The following DLG2 variants were observed in gnomAD, a reference collection of about 807,000 sequenced individuals.
The protein encoded by DLG2 is disks large homolog 2.
In DLG2, 45 loss-of-function variants were observed where a neutral mutation model predicts 132.5. The ratio of observed to expected loss-of-function variants is 0.34; its 90% CI spans 0.27 to 0.44. DLG2 has a LOEUF of 0.44. Among genes scored for constraint, DLG2 ranks in the 20% least tolerant of loss-of-function variants. The probability of loss-of-function intolerance (pLI) is 1.00; values close to 1 mark genes in which losing one functional copy is unlikely to be tolerated. For missense variants in DLG2, 1,045 were observed against 1,196.9 expected, an observed-to-expected ratio of 0.87 and a Z score of 1.87; for synonymous variants, 424 against 419.6, an observed-to-expected ratio of 1.01 and a Z score of -0.13.
At chr11:84,466,293 C>A (rs2099094139) in intron 7 of DLG2, among the ~76,000 whole-genome samples, 1 of 151,114 alleles carries the variant, frequency 6.6e-6, no homozygotes, top group Non-Finnish European at 1.5e-5. Flanking sequence ...GAAAAGAAAG[C>A]TTTTGTAACT....
At chr11:84,038,759 G>A (rs2095954781) in intron 11 of DLG2, among the ~76,000 whole-genome samples, 2 of 152,018 alleles carry the variant, frequency 1.3e-5, no homozygotes, top group Non-Finnish European at 2.9e-5. Context: ...AAGTTTAATT[G>A]ACTCTCAGTT....
intron 6 of DLG2, among the ~76,000 whole-genome samples, chr11:84,833,654 T>C (rs1049544847): frequency 6.7e-6 from 1 of 149,752 alleles, no homozygotes; most frequent in African/African-American, 2.5e-5. Flanking sequence ...GTGGTGGCAG[T>C]TGTGGGGGGG....
chr11:84,586,101 A>G (rs2154529842), intron 6 of DLG2, among the ~76,000 whole-genome samples: 2 of 151,570 alleles, frequency 1.3e-5, no homozygotes, highest in East Asian at 3.9e-4. Context: ...CAGTGAGCCA[A>G]GATCGTGCCA....
intron 6 of DLG2, among the ~76,000 whole-genome samples, chr11:84,998,389 A>G (rs531720853): frequency 1.3e-5 from 2 of 152,272 alleles, no homozygotes; most frequent in South Asian, 2.1e-4. Context: ...CTCTGTGAAG[A>G]AGTACCTTCC....
chr11:83,817,449 C>T (rs1053225659), intron 17 of DLG2, among the ~76,000 whole-genome samples: 4 of 152,050 alleles, frequency 2.6e-5, no homozygotes, highest in South Asian at 4.1e-4. Flanking sequence ...TATGGCTGGA[C>T]AAGTTAAGAG....
intron 2 of DLG2, among the ~76,000 whole-genome samples, chr11:85,607,687 G>A (rs922111743): frequency 6.6e-6 from 1 of 152,164 alleles, no homozygotes; most frequent in Admixed American, 6.5e-5. Flanking sequence ...GAGACTATCT[G>A]GAATTTTAGG....
intron 9 of DLG2, among the ~76,000 whole-genome samples, chr11:84,153,731 T>A (rs547097365): frequency 2.6e-4 from 39 of 152,308 alleles, no homozygotes; most frequent in African/African-American, 9.4e-4. Context: ...CTGTCATCTT[T>A]CAACTCATGG....
chr11:84,121,019 A>T (rs1452291643), intron 9 of DLG2, among the ~76,000 whole-genome samples: 1 of 152,138 alleles, frequency 6.6e-6, no homozygotes, highest in Non-Finnish European at 1.5e-5. Context: ...CATTCATTCA[A>T]TTCATTAATT....
intron 7 of DLG2, among the ~76,000 whole-genome samples, chr11:84,451,190 G>A (rs2099050639): frequency 6.6e-6 from 1 of 151,772 alleles, no homozygotes; most frequent in Admixed American, 6.6e-5. Context: ...CATTATAAAT[G>A]TTTGTATTTC....
rs78240317 is a variant in DLG2, at chr11:83,854,442, C to T, written c.1565+19978G>A. 3.3e-5 allele frequency among the ~76,000 whole-genome samples: 5 copies of T among 152,204 alleles called. No individual in the cohort carries two copies. The East Asian group carries it at 9.7e-4, about 29-fold the overall frequency. On this transcript the variant is annotated intron_variant, in intron 16 of 27. Coordinates refer to ENST00000376104, the MANE Select transcript of DLG2 (RefSeq NM_001142699.3). Reference sequence around the variant, plus strand: ...AAAACAAATTTGGAGGATAACACTACCTAGCTTCAAAATTTTCTATAAAGC... The same window carrying T: ...AAAACAAATTTGGAGGATAACACTATCTAGCTTCAAAATTTTCTATAAAGC...
At chr11:84,288,110 A>G (rs2097935039) in intron 7 of DLG2, among the ~76,000 whole-genome samples, 1 of 152,080 alleles carries the variant, frequency 6.6e-6, no homozygotes, top group Non-Finnish European at 1.5e-5. Context: ...ATCATATGAT[A>G]TTAAATAATT....
At chr11:85,103,790 A>G (rs893146212) in intron 6 of DLG2, among the ~76,000 whole-genome samples, 2 of 151,978 alleles carry the variant, frequency 1.3e-5, no homozygotes. Flanking sequence ...GATAACCCAC[A>G]GAACAGGAGA....
chr11:85,393,480 G>C (rs1022113397), intron 3 of DLG2, among the ~76,000 whole-genome samples: 1 of 152,042 alleles, frequency 6.6e-6, no homozygotes, highest in Non-Finnish European at 1.5e-5. Flanking sequence ...TCTACCCAGA[G>C]AAAAAGAAGT....
chr11:84,512,125 T>C (rs2154514161), intron 7 of DLG2, among the ~76,000 whole-genome samples: 1 of 152,302 alleles, frequency 6.6e-6, no homozygotes, highest in East Asian at 1.9e-4. Flanking sequence ...CCTTTTTACA[T>C]ATAAGCAACA....
chr11:83,477,876 G>GTCTT (rs2092744545), intron 22 of DLG2, among the ~76,000 whole-genome samples: 1 of 152,000 alleles, frequency 6.6e-6, no homozygotes, highest in Non-Finnish European at 1.5e-5. Flanking sequence ...AAACCTGTGT[G>GTCTT]TCTTTTTTCA....
intron 4 of DLG2, among the ~76,000 whole-genome samples, chr11:85,212,286 CCT>C (rs1232669929): frequency 2.0e-5 from 3 of 151,990 alleles, no homozygotes; most frequent in Non-Finnish European, 4.4e-5. Flanking sequence ...AAGTAATAGT[CCT>C]CTGATTTCCA....
At chr11:84,530,600 G>A (rs927698278) in intron 7 of DLG2, among the ~76,000 whole-genome samples, 1 of 152,170 alleles carries the variant, frequency 6.6e-6, no homozygotes, top group African/African-American at 2.4e-5. Flanking sequence ...AGTTAGAATG[G>A]CTTTTATAAA....
In DLG2 at chr11:83,962,867, C is replaced by G; in HGVS notation, c.1340+18G>C. 3 of 1,611,120 alleles carry G rather than the reference C, an allele frequency of 1.9e-6. No individual in the cohort carries two copies. The highest frequency in any genetic ancestry group is 2.5e-6 in the Non-Finnish European group (3 of 1,178,090). ...TGGTAATAAGAGCAAATCCAATTAACTAACAGGCATATCTGACCTGGTGTA... is the reference window on the plus strand; with the variant it reads ...TGGTAATAAGAGCAAATCCAATTAAGTAACAGGCATATCTGACCTGGTGTA... On this transcript the variant is annotated intron_variant, in intron 14 of 27. Coordinates refer to ENST00000376104, the MANE Select transcript of DLG2 (RefSeq NM_001142699.3).
intron 16 of DLG2, among the ~76,000 whole-genome samples, chr11:83,862,460 G>A (rs755503343): frequency 1.1e-4 from 16 of 152,008 alleles, no homozygotes; most frequent in Non-Finnish European, 2.4e-4. Context: ...AGTGGTGGGG[G>A]AAATATTGAG....
Sources: gnomAD v4.1 joint callset for allele counts (sites outside exome capture counted in the v4.1 genomes callset) on GRCh38, gnomAD v4.1.1 for gene constraint, MANE v1.5 for transcripts, NCBI Gene and HGNC (gene_info 2026-07-23, HGNC 2026-07-21) for gene names.